The following SRGAP3 variants were observed in gnomAD, a reference collection of about 807,000 sequenced individuals.
The protein encoded by SRGAP3 is SLIT-ROBO Rho GTPase-activating protein 3.
SRGAP3 carries 39 observed loss-of-function variants against 121.1 expected under a neutral mutation model. The observed-to-expected ratio is 0.32, with a 90% CI of 0.25 to 0.42. SRGAP3 has a LOEUF of 0.42. Among genes scored for constraint, SRGAP3 ranks in the 10% least tolerant of loss-of-function variants. SRGAP3 has a pLI of 1.00. For missense variants in SRGAP3, 1,213 were observed against 1,470.6 expected, an observed-to-expected ratio of 0.82 and a Z score of 2.86; for synonymous variants, 601 against 570.0, an observed-to-expected ratio of 1.05 and a Z score of -0.77.
intron 3 of SRGAP3, among the ~76,000 whole-genome samples, chr3:9,260,285 T>A (rs1437820146): frequency 2.6e-5 from 4 of 152,078 alleles, no homozygotes; most frequent in African/African-American, 4.8e-5. Flanking sequence ...GTGCCTGGAA[T>A]GCCAGAGAGA....
chr3:9,002,465 A>C (rs1466959943), intron 18 of SRGAP3, among the ~76,000 whole-genome samples: 1 of 152,212 alleles, frequency 6.6e-6, no homozygotes, highest in Non-Finnish European at 1.5e-5. Flanking sequence ...GTATGACTGT[A>C]AATGCCTATA....
intron 18 of SRGAP3, among the ~76,000 whole-genome samples, chr3:8,997,025 G>A (rs1942446208): frequency 6.6e-6 from 1 of 152,126 alleles, no homozygotes; most frequent in Admixed American, 6.5e-5. Flanking sequence ...AAAGAAAACA[G>A]GAGGAACAGG....
chr3:9,186,622 C>A (rs528539239), intron 1 of SRGAP3, among the ~76,000 whole-genome samples: 1 of 152,264 alleles, frequency 6.6e-6, no homozygotes, highest in South Asian at 2.1e-4. Context: ...CTTCAGAGAA[C>A]CTCAGCTAAC....
intron 1 of SRGAP3, among the ~76,000 whole-genome samples, chr3:9,148,268 A>G (rs1436884560): frequency 6.6e-6 from 1 of 152,200 alleles, no homozygotes; most frequent in Non-Finnish European, 1.5e-5. Context: ...AACGCCCTAG[A>G]AAAACCATCA....
intron 1 of SRGAP3, among the ~76,000 whole-genome samples, chr3:9,232,371 G>T (rs62244904): frequency 0.12 from 17,521 of 152,098 alleles, 1,294 homozygotes; most frequent in South Asian, 0.19. Flanking sequence ...AAGATGAAAA[G>T]GTCTTCTTTC....
At chr3:9,357,845 C>T (rs1028064980) in intron 1 of SRGAP3, among the ~76,000 whole-genome samples, 4 of 151,820 alleles carry the variant, frequency 2.6e-5, no homozygotes, top group African/African-American at 9.7e-5. Flanking sequence ...TATAAAAGTT[C>T]ACATAACACA....
chr3:8,997,578 A>T (rs1335362090), intron 18 of SRGAP3, among the ~76,000 whole-genome samples: 1 of 152,064 alleles, frequency 6.6e-6, no homozygotes, highest in East Asian at 1.9e-4. Context: ...CTGAGACCTC[A>T]TCTTCTCTGT....
intron 3 of SRGAP3, among the ~76,000 whole-genome samples, chr3:9,265,564 T>C (rs2125257956): frequency 6.6e-6 from 1 of 151,788 alleles, no homozygotes; most frequent in Non-Finnish European, 1.5e-5. Flanking sequence ...GCGAAGGATA[T>C]GAACAGACAC....
intron 1 of SRGAP3, among the ~76,000 whole-genome samples, chr3:9,360,904 A>T (rs542926077): frequency 5.3e-4 from 81 of 152,330 alleles, no homozygotes; most frequent in African/African-American, 1.9e-3. Flanking sequence ...TCAGCAATGT[A>T]TAAGTGCTCC....
intron 1 of SRGAP3, among the ~76,000 whole-genome samples, chr3:9,197,801 A>C (rs1349228651): frequency 6.6e-6 from 1 of 152,234 alleles, no homozygotes; most frequent in African/African-American, 2.4e-5. Context: ...AGGTGTCATA[A>C]TCAAATAACA....
intron 1 of SRGAP3, among the ~76,000 whole-genome samples, chr3:9,336,016 T>C (rs182148621): frequency 6.6e-6 from 1 of 152,218 alleles, no homozygotes; most frequent in Admixed American, 6.6e-5. Flanking sequence ...GGAAAAACAC[T>C]GGGGAATTAG....
At chr3:9,147,500 G>A (rs1192045179) in intron 1 of SRGAP3, among the ~76,000 whole-genome samples, 1 of 152,016 alleles carries the variant, frequency 6.6e-6, no homozygotes, top group Non-Finnish European at 1.5e-5. Flanking sequence ...CCTGAGCCCC[G>A]GACTAGGTGA....
At chr3:9,325,155 C>T (rs918244177) in intron 3 of SRGAP3, among the ~76,000 whole-genome samples, 1 of 151,766 alleles carries the variant, frequency 6.6e-6, no homozygotes, top group South Asian at 2.1e-4. Flanking sequence ...GACTACTTGA[C>T]GTTCTAGAGA....
intron 1 of SRGAP3, among the ~76,000 whole-genome samples, chr3:9,176,534 T>C (rs1951186682): frequency 2.0e-5 from 3 of 152,220 alleles, no homozygotes; most frequent in Admixed American, 2.0e-4. Context: ...TAGTCCATTA[T>C]TGCACTGCTA....
chr3:9,029,884 G>A (rs374514927), intron 12 of SRGAP3, among the ~76,000 whole-genome samples: 2 of 152,066 alleles, frequency 1.3e-5, no homozygotes, highest in East Asian at 1.9e-4. Flanking sequence ...GCGCATGCCT[G>A]TAATCCCAGG....
intron 3 of SRGAP3, among the ~76,000 whole-genome samples, chr3:9,314,389 C>T (rs114702403): frequency 1.2e-3 from 185 of 150,328 alleles, no homozygotes; most frequent in African/African-American, 4.2e-3. Context: ...GACCCTATCT[C>T]GAAGAATAAA....
At position 8,980,799 on chromosome 3, in the gene SRGAP3, T is replaced by C. The variant is rs1039173017; in HGVS notation, c.*4720A>G. 3 of 232,712 alleles carry C rather than the reference T, an allele frequency of 1.3e-5. No homozygotes were observed. The highest frequency in any genetic ancestry group is 2.6e-5 in the Non-Finnish European group (3 of 117,556). The allele number at this position is 232,712 out of a possible 1,614,324, so 14.4% of individuals were successfully genotyped here. A position where few individuals can be genotyped will look rare whatever the true frequency, so the allele number is the denominator to read the frequency against. Reference sequence around the variant, plus strand: ...AATTTCCTAGGGTGGTTTTGGTCTGTTTTTCCTGTCACAATTTGGGGAGGA... The same window carrying C: ...AATTTCCTAGGGTGGTTTTGGTCTGCTTTTCCTGTCACAATTTGGGGAGGA... On this transcript the variant is annotated 3_prime_UTR_variant, in exon 22 of 22. Coordinates refer to ENST00000383836, the MANE Select transcript of SRGAP3 (RefSeq NM_014850.4).
chr3:9,056,420 C>A, intron 7 of SRGAP3, 86 bp from the exon 8 acceptor site: 1 of 1,380,582 alleles, frequency 7.2e-7, no homozygotes, highest in East Asian at 2.4e-5. Flanking sequence ...ATTAACATCC[C>A]AATCACAGTC....
chr3:9,334,182 T>C (rs1955653089), intron 1 of SRGAP3, among the ~76,000 whole-genome samples: 1 of 152,158 alleles, frequency 6.6e-6, no homozygotes, highest in African/African-American at 2.4e-5. Flanking sequence ...CCTATGAATA[T>C]ATAATTATTT....
Sources: gnomAD v4.1 joint callset for allele counts (sites outside exome capture counted in the v4.1 genomes callset) on GRCh38, gnomAD v4.1.1 for gene constraint, MANE v1.5 for transcripts, NCBI Gene and HGNC (gene_info 2026-07-23, HGNC 2026-07-21) for gene names.